The following DENND11 variants were observed in gnomAD, a reference collection of about 807,000 sequenced individuals.
DENND11 encodes DENN domain-containing protein 11.
DENND11 carries 34 observed loss-of-function variants against 49.2 expected under a neutral mutation model. The observed-to-expected ratio is 0.69, with a 90% CI of 0.53 to 0.92. The LOEUF (loss-of-function observed/expected upper bound fraction) is 0.92. DENND11 is among the 40% of genes least tolerant of loss of function. The pLI is 0.00. For missense variants in DENND11, 475 were observed against 581.6 expected, an observed-to-expected ratio of 0.82 and a Z score of 1.88; for synonymous variants, 238 against 230.3, an observed-to-expected ratio of 1.03 and a Z score of -0.30.
At chr7:141,686,153 G>A (rs140142071) in intron 2 of DENND11, among the ~76,000 whole-genome samples, 46 of 152,120 alleles carry the variant, frequency 3.0e-4, no homozygotes, top group African/African-American at 1.1e-3. Context: ...GTTCCTTCTC[G>A]CAAAACTCTC....
At chr7:141,665,469 C>A (rs535358511) in intron 5 of DENND11, among the ~76,000 whole-genome samples, 151 bp from the exon 6 acceptor site, 1 of 152,272 alleles carries the variant, frequency 6.6e-6, no homozygotes, top group African/African-American at 2.4e-5. Context: ...AGGTGGCAAG[C>A]CTTTTGGGGT....
At chr7:141,695,502 A>G (rs564038628) in intron 1 of DENND11, among the ~76,000 whole-genome samples, 53 of 152,350 alleles carry the variant, frequency 3.5e-4, no homozygotes, top group Admixed American at 7.8e-4. Flanking sequence ...TACATATGGA[A>G]TTTGAGGAGA....
intron 1 of DENND11, among the ~76,000 whole-genome samples, chr7:141,690,099 G>A (rs1398164883): frequency 1.3e-5 from 2 of 152,192 alleles, no homozygotes; most frequent in African/African-American, 4.8e-5. Context: ...TGAATCAGTA[G>A]CCACGTTATG....
At chr7:141,666,192 CCCAAGCTCTT>C (rs1797891212) in intron 5 of DENND11, 85 bp downstream of exon 5, 1 of 1,383,984 alleles carries the variant, frequency 7.2e-7, no homozygotes, top group Admixed American at 2.2e-5. Context: ...CTGGATGTGG[CCCAAGCTCTT>C]CCAAACTTGG....
intron 1 of DENND11, among the ~76,000 whole-genome samples, chr7:141,692,460 T>C (rs1798341728): frequency 6.6e-6 from 1 of 152,120 alleles, no homozygotes; most frequent in Admixed American, 6.6e-5. Flanking sequence ...ATAGAGAGCC[T>C]TGAAACAGAC....
At chr7:141,683,009 G>C (rs1295260399) in intron 3 of DENND11, among the ~76,000 whole-genome samples, 1 of 149,696 alleles carries the variant, frequency 6.7e-6, no homozygotes, top group African/African-American at 2.5e-5. Context: ...ATGTGCAAAT[G>C]TATTTTCCAC....
intron 1 of DENND11, among the ~76,000 whole-genome samples, chr7:141,698,798 T>C (rs1798455382): frequency 6.6e-6 from 1 of 152,162 alleles, no homozygotes; most frequent in African/African-American, 2.4e-5. Context: ...ACCTAATGAA[T>C]GTACAGCTAT....
intron 4 of DENND11, among the ~76,000 whole-genome samples, chr7:141,671,560 C>T (rs773921111): frequency 6.6e-6 from 1 of 152,270 alleles, no homozygotes; most frequent in Non-Finnish European, 1.5e-5. Flanking sequence ...ATAACGGTAC[C>T]CTCTTCCCTG....
intron 3 of DENND11, among the ~76,000 whole-genome samples, chr7:141,678,826 T>G (rs1211554940): frequency 6.6e-6 from 1 of 152,224 alleles, no homozygotes; most frequent in Non-Finnish European, 1.5e-5. Flanking sequence ...GTTGGTTTGT[T>G]TGAATTGAGA....
At chr7:141,697,422 C>T (rs1261521066) in intron 1 of DENND11, among the ~76,000 whole-genome samples, 2 of 152,286 alleles carry the variant, frequency 1.3e-5, no homozygotes, top group East Asian at 3.9e-4. Context: ...AAATGAACCA[C>T]AATTGTATTC....
intron 5 of DENND11, among the ~76,000 whole-genome samples, chr7:141,665,591 G>A (rs943454940): frequency 6.6e-6 from 1 of 152,106 alleles, no homozygotes; most frequent in Non-Finnish European, 1.5e-5. Flanking sequence ...GACCTTGTCA[G>A]AACTCCGGCC....
chr7:141,685,438 G>A (rs1438425636), intron 3 of DENND11, 40 bp downstream of exon 3: 1 of 1,606,786 alleles, frequency 6.2e-7, no homozygotes. Flanking sequence ...CCAGCTGGTG[G>A]ATCCTGCTGC....
chr7:141,677,231 G>GAAGTT (rs1252124180), intron 3 of DENND11, among the ~76,000 whole-genome samples: 2 of 151,884 alleles, frequency 1.3e-5, no homozygotes, highest in East Asian at 3.9e-4. Context: ...TTCGAGACCA[G>GAAGTT]CCTGGCCAAC....
intron 1 of DENND11, among the ~76,000 whole-genome samples, chr7:141,689,972 T>C (rs1242407827): frequency 6.6e-6 from 1 of 152,258 alleles, no homozygotes; most frequent in East Asian, 1.9e-4. Flanking sequence ...TAAACAATCC[T>C]GTATTTGCCA....
intron 1 of DENND11, among the ~76,000 whole-genome samples, chr7:141,694,042 T>A (rs551760931): frequency 6.6e-6 from 1 of 152,174 alleles, no homozygotes; most frequent in Non-Finnish European, 1.5e-5. Context: ...AAGATGTTAA[T>A]AAAGGGAAAT....
chr7:141,669,282 G>A (rs532133614), intron 4 of DENND11, among the ~76,000 whole-genome samples: 1 of 134,914 alleles, frequency 7.4e-6, no homozygotes, highest in South Asian at 2.3e-4. Context: ...GTCTTGCCCT[G>A]TGTGGCCCAG....
Position 141,657,174 on chromosome 7 carries a change from A to G in DENND11, c.*5482T>C, listed in dbSNP as rs892912543. ...AAAGAAATGGGAAAACAGTTTTTCT[A>G]AGGCTACAACTATTTGTTTAGGCTT... On this transcript the variant is annotated 3_prime_UTR_variant, in exon 9 of 9. Coordinates refer to ENST00000536163, the MANE Select transcript of DENND11 (RefSeq NM_001080392.2). The G allele has an allele frequency of 6.6e-6, 1 of 152,652 alleles. No individual in the cohort carries two copies. Among genetic ancestry groups the G allele is most frequent in the African/African-American group, 2.4e-5 (1 of 41,474 alleles). 9.5% of individuals were successfully genotyped at this position (152,652 alleles called of 1,614,324 possible). A position where few individuals can be genotyped will look rare whatever the true frequency, so the allele number is the denominator to read the frequency against.
Position 141,677,422 on chromosome 7 carries a change from T to C in DENND11, c.528-3202A>G, listed in dbSNP as rs1457051670. Among the ~76,000 whole-genome samples the C allele has an allele frequency of 1.4e-3, 178 of 124,644 alleles. 1 individual carries two copies. Among genetic ancestry groups the C allele is most frequent in the African/African-American group, 2.3e-3 (77 of 33,844 alleles). 81.8% of individuals were successfully genotyped at this position (124,644 alleles called of 152,430 possible). On this transcript the variant is annotated intron_variant, in intron 3 of 8. Transcript: ENST00000536163. ...AAAAAAATATATATATATATATATATACACATATATATGTGTGTGTGTGTG... is the reference window on the plus strand; with the variant it reads ...AAAAAAATATATATATATATATATACACACATATATATGTGTGTGTGTGTG...
In DENND11 at chr7:141,662,718, C is replaced by T. The variant is rs1797818478; in HGVS notation, c.1306G>A (p.Asp436Asn). ...TCAATGCCATAGGCCTCCAGCAGGT[C>T]CAGGAGAAAGCTCCGGTCTCCTTGG... ...DPQGDRSFLL[D>N]LLEAYGIDVM... Residue 436 changes from aspartate to asparagine, a missense_variant, in exon 9 of 9, where the codon GAC (aspartate) becomes AAC (asparagine). Asp to Asn is a conservative substitution (Grantham distance 23). Coordinates refer to ENST00000536163, the MANE Select transcript of DENND11 (RefSeq NM_001080392.2). The T allele has an allele frequency of 6.2e-7, 1 of 1,611,144 alleles. No individual in the cohort carries two copies. The highest frequency in any genetic ancestry group is 8.5e-7 in the Non-Finnish European group (1 of 1,178,914).
Sources: allele counts gnomAD v4.1 joint callset (sites outside exome capture counted in the v4.1 genomes callset), GRCh38; gene constraint gnomAD v4.1.1; transcripts MANE v1.5; gene names NCBI Gene and HGNC (gene_info 2026-07-23, HGNC 2026-07-21).